The following EPS15 variants were observed in gnomAD, a reference collection of about 807,000 sequenced individuals.
EPS15 encodes epidermal growth factor receptor pathway substrate 15, also known as epidermal growth factor receptor substrate 15.
Under a neutral mutation model 113.8 loss-of-function variants are expected in EPS15, and 72 were observed. The observed-to-expected ratio is 0.63, with a 90% CI of 0.52 to 0.77. The LOEUF (loss-of-function observed/expected upper bound fraction) is 0.77. Ranked by LOEUF, EPS15 falls within the 30% of genes least tolerant of loss-of-function variation. EPS15 has a pLI of 0.00. For missense variants in EPS15, 1,048 were observed against 1,045.8 expected (o/e 1.00, Z -0.03); for synonymous variants, 344 against 363.4 (o/e 0.95, Z 0.61).
chr1:51,405,169 A>G (rs1648976472), intron 16 of EPS15, among the ~76,000 whole-genome samples: 1 of 152,168 alleles, frequency 6.6e-6, no homozygotes. Context: ...CCTTTAACAC[A>G]GTGTTACACT....
rs111272942 is a variant in EPS15 at position 51,356,547 on chromosome 1, GA to G, written c.*152del. 0.079 allele frequency: 33,372 copies of G among 423,278 alleles called. 105 individuals carry two copies. The highest frequency in any genetic ancestry group is 0.087 in the East Asian group (1,630 of 18,802). 26.2% of individuals were successfully genotyped at this position (423,278 alleles called of 1,614,324 possible). A position where few individuals can be genotyped will look rare whatever the true frequency, so the allele number is the denominator to read the frequency against. On this transcript the variant is annotated 3_prime_UTR_variant, in exon 25 of 25. Coordinates refer to ENST00000371733, the MANE Select transcript of EPS15 (RefSeq NM_001981.3). ...AAAAAAAAGACGAATCTGTAATGAA[GA>G]AAAAAAAAAAATCCTAAAATTTTGT...
At chr1:51,516,083 T>C (rs1644711097) in intron 1 of EPS15, among the ~76,000 whole-genome samples, 1 of 152,198 alleles carries the variant, frequency 6.6e-6, no homozygotes, top group Admixed American at 6.5e-5. Context: ...CCCTCAGGTT[T>C]TACTTCTCAT....
chr1:51,384,247 A>C (rs1169940539), intron 21 of EPS15, among the ~76,000 whole-genome samples: 2 of 151,764 alleles, frequency 1.3e-5, no homozygotes, highest in Non-Finnish European at 2.9e-5. Flanking sequence ...ATTCATATGG[A>C]ATCTCAAGGA....
chr1:51,475,451 G>C (rs544611215), intron 2 of EPS15, among the ~76,000 whole-genome samples: 2 of 151,980 alleles, frequency 1.3e-5, no homozygotes, highest in South Asian at 4.1e-4. Context: ...ATTTTTTCAC[G>C]TGCCTGTTGG....
chr1:51,380,681 A>G (rs956817072), intron 21 of EPS15, among the ~76,000 whole-genome samples: 3 of 152,204 alleles, frequency 2.0e-5, no homozygotes, highest in South Asian at 4.1e-4. Flanking sequence ...AATGACAATA[A>G]TAAGTCCTTC....
At chr1:51,368,561 C>A (rs1646562079) in intron 21 of EPS15, among the ~76,000 whole-genome samples, 1 of 151,160 alleles carries the variant, frequency 6.6e-6, no homozygotes, top group African/African-American at 2.4e-5. Context: ...GGTTTCCCTT[C>A]TTTCTGTCCT....
rs1280753275 is a variant in EPS15 at position 51,460,053 on chromosome 1, AAC to A, written c.561+1036_561+1037del. Among the ~76,000 whole-genome samples, 4 of 152,338 alleles carry A rather than the reference AAC, an allele frequency of 2.6e-5. No homozygotes were observed. The East Asian group carries it at 7.7e-4, about 29-fold the overall frequency. ...AGTAAATTCAAAAGATGGTTCTTCT[AAC>A]AGATCAATAAACTAGACAAAATCAG... is the stretch of plus-strand genomic sequence containing the variant. On this transcript the variant is annotated intron_variant, in intron 8 of 24. Coordinates refer to ENST00000371733, the MANE Select transcript of EPS15 (RefSeq NM_001981.3).
intron 11 of EPS15, among the ~76,000 whole-genome samples, chr1:51,441,383 A>G (rs1652585770): frequency 6.6e-6 from 1 of 152,110 alleles, no homozygotes; most frequent in Non-Finnish European, 1.5e-5. Flanking sequence ...AGTCAGAGCG[A>G]AAAGATAAAT....
chr1:51,400,990 A>G (rs775142973), intron 18 of EPS15, 37 bp from the exon 19 acceptor site: 1 of 1,432,262 alleles, frequency 7.0e-7, no homozygotes, highest in Non-Finnish European at 9.6e-7. Context: ...CCAAATAACA[A>G]TATTTACTGT....
At chr1:51,391,948 A>T (rs765266159) in intron 21 of EPS15, among the ~76,000 whole-genome samples, 1 of 152,220 alleles carries the variant, frequency 6.6e-6, no homozygotes, top group Non-Finnish European at 1.5e-5. Flanking sequence ...AAATAGCTGG[A>T]AAAATGAGCC....
rs940671984 is a variant in EPS15, at chr1:51,485,675, A to G, written c.34-4361T>C. Among the ~76,000 whole-genome samples, 6 of 152,362 alleles carry G rather than the reference A, an allele frequency of 3.9e-5. No individual in the cohort carries two copies. The East Asian group carries it at 1.2e-3, about 29-fold the overall frequency. ...ATTATTATCAACAAAGTTTGCCAAGACACTGAAATATATCCTTCAAAAGCA... is the reference window on the plus strand; with the variant it reads ...ATTATTATCAACAAAGTTTGCCAAGGCACTGAAATATATCCTTCAAAAGCA... On this transcript the variant is annotated intron_variant, in intron 1 of 24. Transcript: ENST00000371733.
At position 51,516,596 on chromosome 1, in the gene EPS15, AAAGG is replaced by A. The variant is rs555078024; in HGVS notation, c.33+2599_33+2602del. Among the ~76,000 whole-genome samples, 4 of 152,326 alleles carry A rather than the reference AAAGG, an allele frequency of 2.6e-5. No homozygotes were observed. The South Asian group carries it at 8.3e-4, about 32-fold the overall frequency. ...GAAGGGTTGGTTGGCAAGCTTGGAA[AAAGG>A]AAGGAAGGCATAAGCTAAAACATTT... is the stretch of plus-strand genomic sequence containing the variant. On this transcript the variant is annotated intron_variant, in intron 1 of 24. Coordinates refer to ENST00000371733, the MANE Select transcript of EPS15 (RefSeq NM_001981.3).
chr1:51,448,969 C>T (rs1653304123), intron 8 of EPS15, among the ~76,000 whole-genome samples: 1 of 152,052 alleles, frequency 6.6e-6, no homozygotes, highest in Non-Finnish European at 1.5e-5. Flanking sequence ...AGAAGAATTA[C>T]ATAACAAACT....
At chr1:51,378,062 A>C (rs542986320) in intron 21 of EPS15, among the ~76,000 whole-genome samples, 1 of 151,852 alleles carries the variant, frequency 6.6e-6, no homozygotes, top group South Asian at 2.1e-4. Context: ...CGCCTGGCTA[A>C]TTTTTTGTAT....
At chr1:51,518,021 C>A (rs1048874261) in intron 1 of EPS15, among the ~76,000 whole-genome samples, 1 of 152,080 alleles carries the variant, frequency 6.6e-6, no homozygotes, top group Admixed American at 6.6e-5. Context: ...CCAAGGAGTA[C>A]AAGATGGCAG....
Position 51,447,900 on chromosome 1 carries a change from TA to T in EPS15, c.651+145del, listed in dbSNP as rs112593986. 1,063 of 1,230,910 alleles carry T rather than the reference TA, an allele frequency of 8.6e-4. 1 individual carries two copies. The highest frequency in any genetic ancestry group is 1.6e-3 in the South Asian group (76 of 47,048). 76.2% of individuals were successfully genotyped at this position (1,230,910 alleles called of 1,614,324 possible). A position where few individuals can be genotyped will look rare whatever the true frequency, so the allele number is the denominator to read the frequency against. On this transcript the variant is annotated intron_variant, in intron 9 of 24. Transcript: ENST00000371733. ...AACTGTTAAATGCCATGTACTTTGT[TA>T]AAAAAAAATCCTTTAACACTGATAA...
intron 1 of EPS15, among the ~76,000 whole-genome samples, chr1:51,497,011 T>C (rs1311307083): frequency 2.0e-5 from 3 of 152,210 alleles, no homozygotes; most frequent in East Asian, 3.9e-4. Flanking sequence ...TGAACAAAAA[T>C]GAAAGAATGA....
chr1:51,495,302 A>G (rs982925606), intron 1 of EPS15, among the ~76,000 whole-genome samples: 2 of 152,110 alleles, frequency 1.3e-5, no homozygotes, highest in Non-Finnish European at 2.9e-5. Context: ...AAAGGTTCTG[A>G]TATGAGAATG....
chr1:51,507,565 G>T (rs938966785), intron 1 of EPS15, among the ~76,000 whole-genome samples: 1 of 152,172 alleles, frequency 6.6e-6, no homozygotes, highest in African/African-American at 2.4e-5. Context: ...GGATACTGAG[G>T]CAGGAGAACT....
Sources: allele counts gnomAD v4.1 joint callset (sites outside exome capture counted in the v4.1 genomes callset), GRCh38; gene constraint gnomAD v4.1.1; transcripts MANE v1.5; gene names NCBI Gene and HGNC (gene_info 2026-07-23, HGNC 2026-07-21).